Variants in SLC39A11 observed in about 807,000 individuals in gnomAD.
SLC39A11 encodes zinc transporter ZIP11.
SLC39A11 carries 33 observed loss-of-function variants against 36.1 expected under a neutral mutation model. The observed-to-expected ratio is 0.91, with a 90% CI of 0.69 to 1.22. The LOEUF (loss-of-function observed/expected upper bound fraction) is 1.22, where lower values mean the gene tolerates loss of function less well. Ranked by LOEUF, SLC39A11 falls within the 50% of genes most tolerant of loss-of-function variation. The pLI is 0.00. For missense variants in SLC39A11, 432 were observed against 430.3 expected (o/e 1.00, Z -0.03); for synonymous variants, 166 against 170.3 (o/e 0.97, Z 0.20).
chr17:73,056,696 G>C (rs1049774496), intron 3 of SLC39A11, among the ~76,000 whole-genome samples: 2 of 152,214 alleles, frequency 1.3e-5, no homozygotes, highest in South Asian at 2.1e-4. Flanking sequence ...GGAAGGTTAC[G>C]AGAAGACAGG....
Position 72,882,801 on chromosome 17 carries a change from T to TTTTTTTTTCTTTTTC in SLC39A11, c.431-32998_431-32997insGAAAAAGAAAAAAAA, listed in dbSNP as rs1567878833. ...CTTGAGGGAGAGAGAATGCTTCTTTTTTTTTTTTTTTTTGAGATGGAGTCT... is the reference window on the plus strand; with the variant it reads ...CTTGAGGGAGAGAGAATGCTTCTTTTTTTTTTTTCTTTTTCTTTTTTTTTTTTTGAGATGGAGTCT... On this transcript the variant is annotated intron_variant, in intron 5 of 9. Coordinates refer to ENST00000255559, the MANE Select transcript of SLC39A11 (RefSeq NM_139177.4). 7.5e-5 allele frequency among the ~76,000 whole-genome samples: 11 copies of TTTTTTTTTCTTTTTC among 146,474 alleles called. 2 individuals carry two copies. The South Asian group carries it at 1.7e-3, about 23-fold the overall frequency.
chr17:72,776,126 A>G (rs1178902068), intron 6 of SLC39A11, among the ~76,000 whole-genome samples: 1 of 152,192 alleles, frequency 6.6e-6, no homozygotes, highest in African/African-American at 2.4e-5. Context: ...CTCTGCTTTC[A>G]AGTGCCAGAT....
chr17:72,874,484 T>C lies in SLC39A11; in HGVS notation c.431-24680A>G, dbSNP rs755808053. Among the ~76,000 whole-genome samples the C allele has an allele frequency of 2.0e-4, 31 of 152,194 alleles. 1 individual carries two copies. Among genetic ancestry groups the C allele is most frequent in the Admixed American group, 3.3e-4 (5 of 15,286 alleles). On this transcript the variant is annotated intron_variant, in intron 5 of 9. Coordinates refer to ENST00000255559, the MANE Select transcript of SLC39A11 (RefSeq NM_139177.4). ...ATCTGCAAGGCTGTCGCAGGGATGC[T>C]GAGCAAAGCTGACACCAGGAGGGAG...
At chr17:72,814,104 A>C (rs924564979) in intron 6 of SLC39A11, among the ~76,000 whole-genome samples, 1 of 152,206 alleles carries the variant, frequency 6.6e-6, no homozygotes, top group African/African-American at 2.4e-5. Context: ...GCGGCTTTTT[A>C]CACTTAAATT....
At chr17:72,750,427 T>A (rs925617407) in intron 6 of SLC39A11, among the ~76,000 whole-genome samples, 1 of 132,450 alleles carries the variant, frequency 7.6e-6, no homozygotes, top group Non-Finnish European at 1.6e-5. Flanking sequence ...CCTCTGGAGG[T>A]GGGGTGGGGG....
intron 5 of SLC39A11, among the ~76,000 whole-genome samples, chr17:72,893,321 C>T (rs778100992): frequency 3.9e-5 from 6 of 151,996 alleles, no homozygotes; most frequent in African/African-American, 7.3e-5. Context: ...ATTAGCCAGG[C>T]GTGGTGACAC....
chr17:72,832,521 T>C (rs1004081560), intron 6 of SLC39A11, among the ~76,000 whole-genome samples: 2 of 152,120 alleles, frequency 1.3e-5, no homozygotes, highest in African/African-American at 4.8e-5. Context: ...CTATGCCAAA[T>C]GGAGAACTCA....
intron 4 of SLC39A11, among the ~76,000 whole-genome samples, chr17:73,017,331 C>T (rs979044759): frequency 5.3e-5 from 8 of 152,142 alleles, no homozygotes. Context: ...GCAAAGGGTG[C>T]ACCACGTTCA....
intron 5 of SLC39A11, among the ~76,000 whole-genome samples, chr17:72,862,342 A>G (rs2080083335): frequency 6.6e-6 from 1 of 152,236 alleles, no homozygotes; most frequent in African/African-American, 2.4e-5. Flanking sequence ...TGGTTCTGAG[A>G]CAGGAGGAAA....
intron 7 of SLC39A11, among the ~76,000 whole-genome samples, chr17:72,730,408 G>A (rs191683238): frequency 2.4e-4 from 37 of 152,230 alleles, no homozygotes; most frequent in Admixed American, 2.1e-3. Flanking sequence ...TTTGATTAGC[G>A]TTTGCCTTGT....
intron 4 of SLC39A11, among the ~76,000 whole-genome samples, chr17:73,015,710 G>A (rs1476346961): frequency 6.6e-6 from 1 of 152,118 alleles, no homozygotes; most frequent in Non-Finnish European, 1.5e-5. Flanking sequence ...GGCCTCCCAA[G>A]TAGCTGGGAT....
chr17:72,991,187 A>G (rs187900077), intron 4 of SLC39A11, among the ~76,000 whole-genome samples: 1 of 152,282 alleles, frequency 6.6e-6, no homozygotes, highest in East Asian at 1.9e-4. Context: ...ATATCTGAAA[A>G]ATTCCATGGG....
chr17:73,062,857 T>C (rs2059889886), intron 3 of SLC39A11, among the ~76,000 whole-genome samples: 2 of 151,910 alleles, frequency 1.3e-5, no homozygotes, highest in African/African-American at 4.8e-5. Flanking sequence ...ACCATAGGAG[T>C]TGTGCTCCTG....
intron 7 of SLC39A11, among the ~76,000 whole-genome samples, chr17:72,699,529 A>G (rs2072502705): frequency 6.6e-6 from 1 of 152,194 alleles, no homozygotes; most frequent in South Asian, 2.1e-4. Flanking sequence ...AAGCCCCTGC[A>G]ATGTGTGCTG....
chr17:72,849,499 G>T, intron 6 of SLC39A11, 135 bp downstream of exon 6: 2 of 832,932 alleles, frequency 2.4e-6, no homozygotes, highest in Non-Finnish European at 3.5e-6. Flanking sequence ...AGAAAGATTT[G>T]TACTGCCACC....
intron 3 of SLC39A11, among the ~76,000 whole-genome samples, chr17:73,065,903 G>A (rs925349817): frequency 2.0e-5 from 3 of 152,174 alleles, no homozygotes; most frequent in African/African-American, 7.2e-5. Context: ...GAGGCAGGAC[G>A]GAGAAAACAA....
chr17:72,753,889 CAAAAAAAA>C (rs35076559), intron 6 of SLC39A11, among the ~76,000 whole-genome samples: 5 of 51,944 alleles, frequency 9.6e-5, no homozygotes, highest in Admixed American at 3.0e-4. Flanking sequence ...AGTCATTATA[CAAAAAAAA>C]AAAAAAAAAA....
chr17:72,964,074 C>T (rs536957450), intron 4 of SLC39A11, among the ~76,000 whole-genome samples: 31 of 152,018 alleles, frequency 2.0e-4, no homozygotes, highest in South Asian at 1.0e-3. Flanking sequence ...TGGCGCCCCC[C>T]GAGGTACACA....
chr17:72,991,157 G>A (rs958531692), intron 4 of SLC39A11, among the ~76,000 whole-genome samples: 16 of 152,098 alleles, frequency 1.1e-4, no homozygotes, highest in African/African-American at 3.4e-4. Context: ...TTCTCTCTCC[G>A]CACCAATTAG....
Sources: gnomAD v4.1 joint callset for allele counts (sites outside exome capture counted in the v4.1 genomes callset) on GRCh38, gnomAD v4.1.1 for gene constraint, MANE v1.5 for transcripts, NCBI Gene and HGNC (gene_info 2026-07-23, HGNC 2026-07-21) for gene names.